WASL: variants seen among roughly 807,000 people sequenced by gnomAD.
WASL encodes WASP like actin nucleation promoting factor, also known as actin nucleation-promoting factor WASL.
WASL carries 20 observed loss-of-function variants against 55.5 expected under a neutral mutation model. The observed-to-expected ratio is 0.36, with a 90% CI of 0.25 to 0.52. WASL has a LOEUF of 0.52. Among genes scored for constraint, WASL ranks in the 20% least tolerant of loss-of-function variants. The probability of loss-of-function intolerance (pLI) is 0.92; values close to 1 mark genes in which losing one functional copy is unlikely to be tolerated. For synonymous variants in WASL, 249 were observed against 217.6 expected (o/e 1.14, Z -1.27); for missense variants, 504 against 622.5 (o/e 0.81, Z 2.03).
chr7:123,694,952 AATT>A, intron 7 of WASL, 84 bp from the exon 8 acceptor site: 1 of 1,431,212 alleles, frequency 7.0e-7, no homozygotes, highest in Non-Finnish European at 9.4e-7. Context: ...GTCCTTCTGA[AATT>A]ATTTTGCCTA....
chr7:123,738,545 A>G (rs1804276576), intron 1 of WASL, among the ~76,000 whole-genome samples: 1 of 152,212 alleles, frequency 6.6e-6, no homozygotes, highest in Non-Finnish European at 1.5e-5. Context: ...TCCAGAATTC[A>G]CAAGCCAATT....
At chr7:123,685,420 G>A (rs992814809) in intron 10 of WASL, among the ~76,000 whole-genome samples, 5 of 151,808 alleles carry the variant, frequency 3.3e-5, no homozygotes, top group African/African-American at 1.2e-4. Flanking sequence ...ATCTTATTCT[G>A]GCTTTAGAAC....
chr7:123,700,585 G>A (rs910601198), intron 5 of WASL, among the ~76,000 whole-genome samples: 1 of 152,034 alleles, frequency 6.6e-6, no homozygotes, highest in African/African-American at 2.4e-5. Flanking sequence ...GACTACAGGT[G>A]TGTGCCACTA....
chr7:123,725,587 G>C (rs1804028544), intron 1 of WASL, among the ~76,000 whole-genome samples: 1 of 151,764 alleles, frequency 6.6e-6, no homozygotes, highest in African/African-American at 2.4e-5. Context: ...CAACTGTCTA[G>C]AACTGATACT....
At chr7:123,708,983 G>A in intron 2 of WASL, 106 bp downstream of exon 2, 1 of 1,066,600 alleles carries the variant, frequency 9.4e-7, no homozygotes, top group Admixed American at 3.4e-5. Context: ...ATTAGTTTAT[G>A]TATAAATTTA....
At chr7:123,734,785 C>T (rs540023544) in intron 1 of WASL, among the ~76,000 whole-genome samples, 39 of 151,940 alleles carry the variant, frequency 2.6e-4, no homozygotes, top group African/African-American at 7.7e-4. Flanking sequence ...TTAAATCTAA[C>T]GTCAACTATG....
chr7:123,739,901 T>C (rs1417997067), intron 1 of WASL, among the ~76,000 whole-genome samples: 2 of 57,452 alleles, frequency 3.5e-5, no homozygotes, highest in Non-Finnish European at 6.2e-5. Context: ...TGTGTGTGTG[T>C]GTGTGTGTGT....
At chr7:123,729,530 A>G (rs541939121) in intron 1 of WASL, among the ~76,000 whole-genome samples, 2 of 152,230 alleles carry the variant, frequency 1.3e-5, no homozygotes, top group Non-Finnish European at 2.9e-5. Flanking sequence ...AGATTACTCC[A>G]AACTGTTCCT....
intron 5 of WASL, among the ~76,000 whole-genome samples, chr7:123,701,309 AGGT>A (rs761386880): frequency 3.9e-5 from 6 of 152,210 alleles, no homozygotes; most frequent in Non-Finnish European, 8.8e-5. Context: ...TTGCATGAAA[AGGT>A]TTTTAAATGT....
chr7:123,712,192 T>C (rs994717829), intron 1 of WASL, among the ~76,000 whole-genome samples: 1 of 152,140 alleles, frequency 6.6e-6, no homozygotes, highest in Non-Finnish European at 1.5e-5. Flanking sequence ...TGCTTGTTTG[T>C]GTACCTTGTG....
At chr7:123,729,473 T>C (rs757745643) in intron 1 of WASL, among the ~76,000 whole-genome samples, 1 of 152,196 alleles carries the variant, frequency 6.6e-6, no homozygotes, top group South Asian at 2.1e-4. Flanking sequence ...CTGACTGCTA[T>C]CAGAGCTTTT....
At position 123,696,566 on chromosome 7, in the gene WASL, A is replaced by G. The variant is rs747794908; in HGVS notation, c.629+13T>C. The G allele has an allele frequency of 1.3e-6, 2 of 1,546,740 alleles. No individual in the cohort carries two copies. The highest frequency in any genetic ancestry group is 2.6e-5 in the South Asian group (2 of 76,692). ...CAAAAGTGAAGATAAGAACAACAAA[A>G]GAACTGTCTTACTGGAAATTGCTTG... On this transcript the variant is annotated intron_variant, in intron 6 of 10. Transcript: ENST00000223023.
chr7:123,698,681 T>C (rs1050644316), intron 5 of WASL, among the ~76,000 whole-genome samples: 6 of 152,174 alleles, frequency 3.9e-5, no homozygotes, highest in African/African-American at 1.4e-4. Flanking sequence ...GATAAAATCA[T>C]TAAAAGCTTT....
intron 1 of WASL, among the ~76,000 whole-genome samples, chr7:123,709,938 T>G (rs1188873958): frequency 6.6e-6 from 1 of 152,168 alleles, no homozygotes; most frequent in African/African-American, 2.4e-5. Context: ...TTACCAAGGA[T>G]AGTCCCTAAA....
At chr7:123,739,393 A>T (rs1804291674) in intron 1 of WASL, among the ~76,000 whole-genome samples, 1 of 152,118 alleles carries the variant, frequency 6.6e-6, no homozygotes, top group African/African-American at 2.4e-5. Flanking sequence ...TGATATAAAC[A>T]CTCCCCAACT....
chr7:123,701,311 G>T (rs1212003705), intron 5 of WASL, among the ~76,000 whole-genome samples: 1 of 152,104 alleles, frequency 6.6e-6, no homozygotes, highest in African/African-American at 2.4e-5. Context: ...GCATGAAAAG[G>T]TTTTTAAATG....
Position 123,706,407 on chromosome 7 carries a change from G to C in WASL, c.340-34C>G, listed in dbSNP as rs1220072294. 1.9e-6 allele frequency: 3 copies of C among 1,563,604 alleles called. No individual in the cohort carries two copies. The East Asian group carries it at 6.7e-5, about 35-fold the overall frequency. The stretch of plus-strand genomic sequence containing the variant: ...TTTTCATCACAAAGGGGAAACAACA[G>C]AATGTATGAATTTAGCTTTATATCA... On this transcript the variant is annotated intron_variant, in intron 3 of 10. Transcript: ENST00000223023.
At chr7:123,689,555 C>G (rs993447621) in intron 9 of WASL, among the ~76,000 whole-genome samples, 4 of 152,078 alleles carry the variant, frequency 2.6e-5, no homozygotes, top group Non-Finnish European at 4.4e-5. Context: ...TTACGTGGGA[C>G]GCACACTGAA....
chr7:123,738,010 T>C (rs1446384420), intron 1 of WASL, among the ~76,000 whole-genome samples: 3 of 152,058 alleles, frequency 2.0e-5, no homozygotes, highest in South Asian at 2.1e-4. Context: ...CAATAGAAAA[T>C]TGGTCTAAGG....
Sources: allele counts gnomAD v4.1 joint callset (sites outside exome capture counted in the v4.1 genomes callset), GRCh38; gene constraint gnomAD v4.1.1; transcripts MANE v1.5; gene names NCBI Gene and HGNC (gene_info 2026-07-23, HGNC 2026-07-21).